The following DMXL1 variants were observed in gnomAD, a reference collection of about 807,000 sequenced individuals.
DMXL1 encodes dmX-like protein 1.
Under a neutral mutation model 319.2 loss-of-function variants are expected in DMXL1, and 99 were observed. That is an observed-to-expected ratio of 0.31 (90% CI 0.26 to 0.37). DMXL1 has a LOEUF of 0.37. Among genes scored for constraint, DMXL1 ranks in the 10% least tolerant of loss-of-function variants. The pLI is 1.00. For missense variants in DMXL1, 3,745 were observed against 3,595.6 expected (o/e 1.04, Z -1.06); for synonymous variants, 1,385 against 1,235.2 (o/e 1.12, Z -2.54).
At chr5:119,197,109 G>A (rs897069397) in intron 31 of DMXL1, among the ~76,000 whole-genome samples, 8 of 152,326 alleles carry the variant, frequency 5.3e-5, no homozygotes, top group Non-Finnish European at 1.0e-4. Context: ...ACTGCTAAGT[G>A]CTGAGTTCCA....
chr5:119,231,188 G>T (rs1786652242), intron 38 of DMXL1, among the ~76,000 whole-genome samples: 1 of 152,034 alleles, frequency 6.6e-6, no homozygotes, highest in South Asian at 2.1e-4. Context: ...TCCCTGTTGT[G>T]GCCACCATAA....
chr5:119,186,892 G>A (rs979101970), intron 28 of DMXL1, among the ~76,000 whole-genome samples: 2 of 151,772 alleles, frequency 1.3e-5, no homozygotes, highest in African/African-American at 2.4e-5. Context: ...TAAAAAGTAC[G>A]GGAAGGGGAA....
chr5:119,173,776 G>GTGTGTGTATATATATATATATA lies in DMXL1; in HGVS notation c.6682-1484_6682-1483insGTGTGTATATATATATATATAT. Among the ~76,000 whole-genome samples the GTGTGTGTATATATATATATATA allele has an allele frequency of 6.8e-3, 459 of 67,108 alleles. 18 individuals are homozygous for GTGTGTGTATATATATATATATA. Among genetic ancestry groups the GTGTGTGTATATATATATATATA allele is most frequent in the African/African-American group, 0.025 (444 of 17,960 alleles). 44.0% of individuals were successfully genotyped at this position (67,108 alleles called of 152,430 possible). A position where few individuals can be genotyped will look rare whatever the true frequency, so the allele number is the denominator to read the frequency against. ...TGTGTATATATATATATGTGTGTGT[G>GTGTGTGTATATATATATATATA]TATATATATATATATATATATAATG... On this transcript the variant is annotated intron_variant, in intron 25 of 43. Coordinates refer to ENST00000539542, the MANE Select transcript of DMXL1 (RefSeq NM_001290321.3).
At position 119,247,848 on chromosome 5, in the gene DMXL1, G is replaced by A. The variant is rs1343999238; in HGVS notation, c.*629G>A. The A allele has an allele frequency of 2.0e-5, 3 of 151,776 alleles. No homozygotes were observed. The highest frequency in any genetic ancestry group is 7.3e-5 in the African/African-American group (3 of 41,316). The allele number at this position is 151,776 out of a possible 1,614,324, so 9.4% of individuals were successfully genotyped here. The stretch of plus-strand genomic sequence containing the variant: ...TGTGTGTATCTTACACATCTTATTT[G>A]AACTTAGTTGTATATATTAGCGAAA... On this transcript the variant is annotated 3_prime_UTR_variant, in exon 44 of 44. Coordinates refer to ENST00000539542, the MANE Select transcript of DMXL1 (RefSeq NM_001290321.3).
chr5:119,171,760 TC>T lies in DMXL1; in HGVS notation c.6490-15del. The T allele has an allele frequency of 6.3e-7, 1 of 1,589,926 alleles. No individual in the cohort carries two copies. Among genetic ancestry groups the T allele is most frequent in the South Asian group, 1.2e-5 (1 of 86,780 alleles). ...CTGTAAATAGTTGGTTAACCTTTTATCCCTCTTTGTTTTTAAGGAAACATCA... is the reference window on the plus strand; with the variant it reads ...CTGTAAATAGTTGGTTAACCTTTTATCCTCTTTGTTTTTAAGGAAACATCA... On this transcript the variant is annotated splice_polypyrimidine_tract_variant and intron_variant, in intron 24 of 43. Transcript: ENST00000539542.
intron 32 of DMXL1, among the ~76,000 whole-genome samples, chr5:119,202,219 C>T (rs765036622): frequency 4.1e-4 from 62 of 152,078 alleles, no homozygotes; most frequent in Non-Finnish European, 7.9e-4. Context: ...CTGTGAATTT[C>T]CCTCTTAATG....
chr5:119,085,458 T>G (rs889728177), intron 1 of DMXL1, among the ~76,000 whole-genome samples: 1 of 152,126 alleles, frequency 6.6e-6, no homozygotes, highest in African/African-American at 2.4e-5. Context: ...TGCTCGCCAT[T>G]GGTGAGCATA....
chr5:119,121,838 T>G (rs2149954104), intron 9 of DMXL1, among the ~76,000 whole-genome samples: 1 of 151,760 alleles, frequency 6.6e-6, no homozygotes, highest in South Asian at 2.1e-4. Context: ...GAGGGGCTCC[T>G]CACTTCCCAG....
In DMXL1 at chr5:119,243,092, A is replaced by G. The variant is rs1789129130; in HGVS notation, c.8705-1267A>G. Among the ~76,000 whole-genome samples, 2 of 152,172 alleles carry G rather than the reference A, an allele frequency of 1.3e-5. 1 individual carries two copies. The highest frequency in any genetic ancestry group is 4.1e-4 in the South Asian group (2 of 4,826). ...GGGCATGAAGGAACGTTCTGGGATGATGAAAATATTCTGTACCTTGATCTT... is the reference window on the plus strand; with the variant it reads ...GGGCATGAAGGAACGTTCTGGGATGGTGAAAATATTCTGTACCTTGATCTT... On this transcript the variant is annotated intron_variant, in intron 42 of 43. Coordinates refer to ENST00000539542, the MANE Select transcript of DMXL1 (RefSeq NM_001290321.3).
chr5:119,122,398 C>T (rs1354154805), intron 9 of DMXL1, among the ~76,000 whole-genome samples: 6 of 150,020 alleles, frequency 4.0e-5, no homozygotes, highest in East Asian at 4.0e-4. Flanking sequence ...CGGGCAGAGG[C>T]GCCCCTCACC....
intron 4 of DMXL1, among the ~76,000 whole-genome samples, chr5:119,109,489 G>A (rs560204072): frequency 1.4e-4 from 22 of 152,114 alleles, no homozygotes; most frequent in Admixed American, 1.4e-3. Flanking sequence ...TCCAAACGCT[G>A]TGAACTTGAA....
At chr5:119,244,276 C>G (rs1789333915) in intron 42 of DMXL1, 83 bp from the exon 43 acceptor site, 3 of 1,068,334 alleles carry the variant, frequency 2.8e-6, no homozygotes, top group African/African-American at 1.6e-5. Flanking sequence ...CAAATCTGGT[C>G]TATTATTTCA....
At chr5:119,114,725 G>A (rs1034321603) in intron 6 of DMXL1, among the ~76,000 whole-genome samples, 184 bp downstream of exon 6, 1 of 152,182 alleles carries the variant, frequency 6.6e-6, no homozygotes, top group African/African-American at 2.4e-5. Flanking sequence ...CTGGAGTGCA[G>A]TGGCACGATC....
chr5:119,239,109 T>C, intron 41 of DMXL1, 29 bp downstream of exon 41: 1 of 1,609,752 alleles, frequency 6.2e-7, no homozygotes, highest in Middle Eastern at 1.7e-4. Flanking sequence ...AATTGAAGTA[T>C]GAGAAAGTAT....
At chr5:119,100,309 G>A (rs138493074) in intron 2 of DMXL1, among the ~76,000 whole-genome samples, 12,187 of 151,516 alleles carry the variant, frequency 0.08, 615 homozygotes, top group Middle Eastern at 0.13. Flanking sequence ...GGTGGCGGGC[G>A]TCTGTAATCC....
chr5:119,232,325 A>T (rs1326784294), intron 38 of DMXL1, among the ~76,000 whole-genome samples: 2 of 152,216 alleles, frequency 1.3e-5, no homozygotes, highest in Non-Finnish European at 2.9e-5. Context: ...AAAGCTTTCA[A>T]ACCAATTGAA....
rs192341932 is a variant in DMXL1, at chr5:119,122,626, C to T, written c.1102+1487C>T. Among the ~76,000 whole-genome samples, 411 of 145,916 alleles carry T rather than the reference C, an allele frequency of 2.8e-3. 9 individuals are homozygous for T. Among genetic ancestry groups the T allele is most frequent in the Middle Eastern group, 3.7e-3 (1 of 270 alleles). On this transcript the variant is annotated intron_variant, in intron 9 of 43. Transcript: ENST00000539542. ...GCAGAGGGTCTCCTCACTTCTCAGA[C>T]GGGGCGGCCGGGCAGAGACGCCCTT... is the stretch of plus-strand genomic sequence containing the variant.
intron 1 of DMXL1, among the ~76,000 whole-genome samples, chr5:119,094,350 C>T (rs1216554134): frequency 1.3e-5 from 2 of 152,218 alleles, no homozygotes; most frequent in Non-Finnish European, 2.9e-5. Flanking sequence ...CTGTGCTCTA[C>T]AAGTGGAACA....
rs117584519 is a variant in DMXL1, at chr5:119,079,911, C to T, written c.87+8255C>T. Among the ~76,000 whole-genome samples the T allele has an allele frequency of 3.9e-3, 597 of 152,282 alleles. 9 individuals are homozygous for T. The highest frequency in any genetic ancestry group is 0.026 in the South Asian group (127 of 4,820). ...TGTCTGTCCCTTAAATATTGGTGACCGTCAGGCCTACCAGGCCTTGGTCCT... is the reference window on the plus strand; with the variant it reads ...TGTCTGTCCCTTAAATATTGGTGACTGTCAGGCCTACCAGGCCTTGGTCCT... On this transcript the variant is annotated intron_variant, in intron 1 of 43. Coordinates refer to ENST00000539542, the MANE Select transcript of DMXL1 (RefSeq NM_001290321.3).
Sources: gnomAD v4.1 joint callset for allele counts (sites outside exome capture counted in the v4.1 genomes callset) on GRCh38, gnomAD v4.1.1 for gene constraint, MANE v1.5 for transcripts, NCBI Gene and HGNC (gene_info 2026-07-23, HGNC 2026-07-21) for gene names.